Variants in COL6A3 observed in about 807,000 individuals in gnomAD.
COL6A3 encodes collagen type VI alpha 3 chain.
In COL6A3, 137 loss-of-function variants were observed where a neutral mutation model predicts 274.1. The ratio of observed to expected loss-of-function variants is 0.50; its 90% CI spans 0.44 to 0.58. The LOEUF (loss-of-function observed/expected upper bound fraction) is 0.58, where lower values mean the gene tolerates loss of function less well. Ranked by LOEUF, COL6A3 falls within the 20% of genes least tolerant of loss-of-function variation. COL6A3 has a pLI of 0.00. For synonymous variants in COL6A3, 1,650 were observed against 1,650.6 expected, an observed-to-expected ratio of 1.00 and a Z score of 0.01; for missense variants, 3,950 against 4,124.9, an observed-to-expected ratio of 0.96 and a Z score of 1.16.
chr2:237,402,737 G>A lies in COL6A3; in HGVS notation c.-30-5890C>T, dbSNP rs1406199033. 2.6e-5 allele frequency among the ~76,000 whole-genome samples: 4 copies of A among 152,172 alleles called. No individual in the cohort carries two copies. The South Asian group carries it at 6.2e-4, about 24-fold the overall frequency. ...GGAAAGAATCTAATATGAACATTCAGACCTGGTGCAAACATGGCTTCTGCC... is the reference window on the plus strand; with the variant it reads ...GGAAAGAATCTAATATGAACATTCAAACCTGGTGCAAACATGGCTTCTGCC... On this transcript the variant is annotated intron_variant, in intron 1 of 43. Transcript: ENST00000295550.
intron 37 of COL6A3, 143 bp downstream of exon 37, chr2:237,341,922 A>G (rs528635041): frequency 1.4e-6 from 1 of 733,506 alleles, no homozygotes; most frequent in East Asian, 2.7e-5. Flanking sequence ...CTGCAGTAGT[A>G]TTTACTCTGG....
intron 42 of COL6A3, chr2:237,328,393 G>T (rs1204174988): frequency 6.6e-6 from 1 of 152,162 alleles, no homozygotes; most frequent in Admixed American, 6.5e-5. Flanking sequence ...ACACTGGGGC[G>T]CAAGGCACCC....
At chr2:237,404,270 T>A (rs1248658262) in intron 1 of COL6A3, among the ~76,000 whole-genome samples, 1 of 152,164 alleles carries the variant, frequency 6.6e-6, no homozygotes, top group Non-Finnish European at 1.5e-5. Context: ...AAATTGCATC[T>A]ATGGATGAGG....
At position 237,371,749 on chromosome 2, in the gene COL6A3, G is replaced by T. The variant is rs1260581737; in HGVS notation, c.4268C>A (p.Thr1423Asn). 1 of 1,602,452 alleles carries T rather than the reference G, an allele frequency of 6.2e-7. No homozygotes were observed. Among genetic ancestry groups the T allele is most frequent in the Non-Finnish European group, 8.5e-7 (1 of 1,171,738 alleles). The change falls in exon 9 of 44, where the codon ACT becomes AAT. Residue 1423 changes from threonine to asparagine, a missense_variant. Around this residue, in one of 5 missense-constraint regions of COL6A3, gnomAD observed 1,934 missense variants for 1,984.3 expected, o/e 0.97. Coordinates refer to ENST00000295550, the MANE Select transcript of COL6A3 (RefSeq NM_004369.4). The surrounding 1 kb of genome is among the most constrained non-coding windows in gnomAD (Gnocchi z 4.3). ...SEQIQKLLAS[T>N]RYPPPAVESD... is the part of the protein sequence containing the mutation. ...CATCTCACCTGGAGGTGGATAGCGAGTGCTGGCTAAGAGCTTCTGGATCTG... is the reference window on the plus strand; with the variant it reads ...CATCTCACCTGGAGGTGGATAGCGATTGCTGGCTAAGAGCTTCTGGATCTG...
intron 4 of COL6A3, among the ~76,000 whole-genome samples, chr2:237,383,047 C>T (rs2078049270): frequency 6.6e-6 from 1 of 152,180 alleles, no homozygotes; most frequent in South Asian, 2.1e-4. Context: ...GATCCACCTG[C>T]CTCAGCCTCC....
rs1559201642 is a variant in COL6A3 at position 237,341,085 on chromosome 2, C to T, written c.7831G>A (p.Ala2611Thr). ...SWRPSFRDRR[A>T]AGSDVDIDMA... ...TCGATGTCCACATCGCTCCCTGCCG[C>T]TCTCCTGTCCCTGAAGGAAGGCCTC... Residue 2611 changes from alanine to threonine, a missense_variant, in exon 38 of 44, where the codon GCG becomes ACG. Transcript: ENST00000295550. The T allele has an allele frequency of 6.2e-7, 1 of 1,614,184 alleles. No homozygotes were observed. The highest frequency in any genetic ancestry group is 1.7e-5 in the Admixed American group (1 of 60,032).
Position 237,354,881 on chromosome 2 carries a change from G to T in COL6A3, c.6627+18C>A, listed in dbSNP as rs778048349. 133 of 1,611,742 alleles carry T rather than the reference G, an allele frequency of 8.3e-5. No homozygotes were observed. Among genetic ancestry groups the T allele is most frequent in the Admixed American group, 3.0e-4 (18 of 59,886 alleles). On this transcript the variant is annotated intron_variant, in intron 24 of 43. Transcript: ENST00000295550. Reference sequence around the variant, plus strand: ...GCTGTTTGAAGAGAGTCTCCAGGGGGCACTGCATGAGGCTCACCTTAGCTC... The same window carrying T: ...GCTGTTTGAAGAGAGTCTCCAGGGGTCACTGCATGAGGCTCACCTTAGCTC...
chr2:237,332,070 CATAT>C (rs58082340), intron 42 of COL6A3, among the ~76,000 whole-genome samples: 495 of 35,126 alleles, frequency 0.014, 14 homozygotes, highest in Non-Finnish European at 0.024. Context: ...TCTCTCTCTA[CATAT>C]ATATATATAT....
At position 237,344,964 on chromosome 2, in the gene COL6A3, G is replaced by A. The variant is rs1254658979; in HGVS notation, c.7163-12C>T. On this transcript the variant is annotated splice_polypyrimidine_tract_variant and intron_variant, in intron 34 of 43. Coordinates refer to ENST00000295550, the MANE Select transcript of COL6A3 (RefSeq NM_004369.4). The surrounding 1 kb of genome is among the most constrained non-coding windows in gnomAD (Gnocchi z 4.8). Reference sequence around the variant, plus strand: ...ACCGTAACAGCAAGCTAGAAAAGAAGCAAAGAGAAGAAAGGGTGAGAGACT... The same window carrying A: ...ACCGTAACAGCAAGCTAGAAAAGAAACAAAGAGAAGAAAGGGTGAGAGACT... 2 of 1,614,156 alleles carry A rather than the reference G, an allele frequency of 1.2e-6. No individual in the cohort carries two copies. Among genetic ancestry groups the A allele is most frequent in the East Asian group, 2.2e-5 (1 of 44,884 alleles).
chr2:237,366,086 G>T, intron 11 of COL6A3, 51 bp from the exon 12 acceptor site: 5 of 1,524,842 alleles, frequency 3.3e-6, no homozygotes, highest in Non-Finnish European at 4.5e-6. Flanking sequence ...CTGAGGAGAC[G>T]AACTCTACTT....
At chr2:237,387,539 C>T in intron 4 of COL6A3, 43 bp downstream of exon 4, 1 of 1,613,306 alleles carries the variant, frequency 6.2e-7, no homozygotes, top group South Asian at 1.1e-5. Context: ...CCAACACACA[C>T]AACACCCCAC....
Position 237,365,784 on chromosome 2 carries a change from G to C in COL6A3, c.5752C>G (p.Arg1918Gly), listed in dbSNP as rs750367811. 6.2e-7 allele frequency: 1 copy of C among 1,614,206 alleles called. No individual in the cohort carries two copies. Among genetic ancestry groups the C allele is most frequent in the Admixed American group, 1.7e-5 (1 of 60,022 alleles). ...GTGAGGACGTAGGGGTGCTGGCTGC[G>C]CATGTTCCGGAACTTCTCGAGCATC... ...PEMLEKFRNMRSQHPYVLTED... is the reference protein window; with the variant it reads ...PEMLEKFRNMGSQHPYVLTED... The change falls in exon 12 of 44, where the codon CGC becomes GGC. Residue 1918 changes from arginine (R) to glycine (G), a missense_variant. Arg to Gly is a moderately radical substitution (Grantham distance 125). This residue lies in a region of COL6A3 where 632 missense variants were observed against 623.4 expected (regional missense o/e 1.01). Transcript: ENST00000295550.
chr2:237,384,360 A>T (rs2078089468), intron 4 of COL6A3, among the ~76,000 whole-genome samples: 1 of 151,944 alleles, frequency 6.6e-6, no homozygotes, highest in Non-Finnish European at 1.5e-5. Context: ...TTGTTGGGAG[A>T]TGAACTTGAA....
Position 237,344,587 on chromosome 2 carries a change from C to A in COL6A3, c.7431G>T (p.Gln2477His). The A allele has an allele frequency of 6.2e-7, 1 of 1,614,206 alleles. No homozygotes were observed. Among genetic ancestry groups the A allele is most frequent in the Non-Finnish European group, 8.5e-7 (1 of 1,180,028 alleles). ...TCTGCTGTTTGGATGTCAGAGCCAC[C>A]TGAAGGTTCTTAATCTTGTCCAGGA... ...SVLLDKIKNL[Q>H]VALTSKQQSL... The change falls in exon 36 of 44, where the codon CAG becomes CAT. Residue 2477 changes from glutamine (Q) to histidine (H), a missense_variant. Gln to His is a conservative substitution (Grantham distance 24). Coordinates refer to ENST00000295550, the MANE Select transcript of COL6A3 (RefSeq NM_004369.4). The surrounding 1 kb of genome is among the most constrained non-coding windows in gnomAD (Gnocchi z 4.8).
rs1263312326 is a variant in COL6A3 at position 237,358,925 on chromosome 2, G to T, written c.6408+110C>A. 7 of 1,223,642 alleles carry T rather than the reference G, an allele frequency of 5.7e-6. No homozygotes were observed. In the African/African-American group the frequency reaches 6.0e-5, roughly 11 times the overall value. The allele number at this position is 1,223,642 out of a possible 1,614,324, so 75.8% of individuals were successfully genotyped here. On this transcript the variant is annotated intron_variant, in intron 20 of 43. Transcript: ENST00000295550. ...TGCACTCACAGGGGAGGTCAGGGAA[G>T]GCTGCCTGGAGGAAGCGGGCTTGAT... is the stretch of plus-strand genomic sequence containing the variant.
chr2:237,341,967 G>A, intron 37 of COL6A3, 98 bp downstream of exon 37: 1 of 1,018,736 alleles, frequency 9.8e-7, no homozygotes, highest in South Asian at 1.4e-5. Context: ...TTGAACTCAA[G>A]CTCTTTTTAC....
intron 9 of COL6A3, 136 bp from the exon 10 acceptor site, chr2:237,369,313 G>A (rs1407309234): frequency 1.2e-5 from 15 of 1,251,928 alleles, no homozygotes; most frequent in Non-Finnish European, 1.5e-5. Context: ...TGTATCTCGG[G>A]CTTTTTGAAA....
At chr2:237,332,443 A>G (rs1460311716) in intron 42 of COL6A3, among the ~76,000 whole-genome samples, 1 of 152,038 alleles carries the variant, frequency 6.6e-6, no homozygotes, top group Non-Finnish European at 1.5e-5. Flanking sequence ...GTCCTGACCC[A>G]CACCTTTGGG....
chr2:237,337,288 TA>T (rs1027218485), intron 39 of COL6A3, among the ~76,000 whole-genome samples: 2 of 152,270 alleles, frequency 1.3e-5, no homozygotes, highest in African/African-American at 4.8e-5. Context: ...TTCCTAAAGA[TA>T]AAAAGGTTGA....
Sources: allele counts gnomAD v4.1 joint callset (sites outside exome capture counted in the v4.1 genomes callset), GRCh38; gene constraint gnomAD v4.1.1; regional missense constraint gnomAD v4.1.1; non-coding constraint Gnocchi (gnomAD v3.1); transcripts MANE v1.5; gene names NCBI Gene and HGNC (gene_info 2026-07-23, HGNC 2026-07-21).